Variants in GLB1 observed in about 807,000 individuals in gnomAD.
GLB1 encodes the protein beta-galactosidase.
GLB1 carries 56 observed loss-of-function variants against 74.0 expected under a neutral mutation model. The observed-to-expected ratio is 0.76, with a 90% CI of 0.61 to 0.94. GLB1 has a LOEUF of 0.94. GLB1 is among the 40% of genes least tolerant of loss of function. GLB1 has a pLI of 0.00. For missense variants in GLB1, 787 were observed against 845.5 expected (o/e 0.93, Z 0.86); for synonymous variants, 323 against 323.6 (o/e 1.00, Z 0.02).
chr3:33,011,652 A>AG (rs1468166875), intron 15 of GLB1, among the ~76,000 whole-genome samples: 1 of 150,494 alleles, frequency 6.6e-6, no homozygotes, highest in African/African-American at 2.4e-5. Context: ...AAAAAAAAAA[A>AG]AAAAGAAAAT....
At chr3:33,096,398 T>TGGG in intron 1 of GLB1, 1 of 953,086 alleles carries the variant, frequency 1.0e-6, no homozygotes, top group Non-Finnish European at 1.2e-6. Flanking sequence ...GCCTGCCTAT[T>TGGG]CCCCCCCTCA....
chr3:32,991,893 G>C (rs760406404), downstream of GLB1, among the ~76,000 whole-genome samples: 2 of 152,228 alleles, frequency 1.3e-5, no homozygotes, highest in East Asian at 3.8e-4. Context: ...AGAATCGTGT[G>C]CATAACAAAA....
intron 1 of GLB1, among the ~76,000 whole-genome samples, chr3:33,080,485 A>C (rs776169398): frequency 6.6e-6 from 1 of 152,168 alleles, no homozygotes; most frequent in Non-Finnish European, 1.5e-5. Context: ...CTCAGATCTC[A>C]TGTCTTTTTG....
the GLB1 span, among the ~76,000 whole-genome samples, chr3:32,981,962 C>G: frequency 6.6e-6 from 1 of 152,122 alleles, no homozygotes; most frequent in Non-Finnish European, 1.5e-5. Context: ...CAATCTTGGT[C>G]TTTTAACTGT....
At chr3:33,077,161 G>A in intron 1 of GLB1, 1 of 1,455,402 alleles carries the variant, frequency 6.9e-7, no homozygotes, top group South Asian at 1.2e-5. Context: ...TGCAGTCTTG[G>A]TACCTCTTTT....
chr3:33,011,653 A>G (rs79222410), intron 15 of GLB1, among the ~76,000 whole-genome samples: 17 of 149,568 alleles, frequency 1.1e-4, no homozygotes, highest in Non-Finnish European at 1.5e-4. Flanking sequence ...AAAAAAAAAA[A>G]AAAGAAAATA....
At chr3:33,062,475 C>G (rs534036662) in intron 5 of GLB1, among the ~76,000 whole-genome samples, 2 of 152,186 alleles carry the variant, frequency 1.3e-5, no homozygotes, top group Admixed American at 6.5e-5. Context: ...GGCCCTTTTA[C>G]AGAAATCTTC....
At chr3:33,010,115 C>G (rs1261758898) in intron 15 of GLB1, among the ~76,000 whole-genome samples, 2 of 152,108 alleles carry the variant, frequency 1.3e-5, no homozygotes, top group African/African-American at 4.8e-5. Context: ...TACCTAGGAG[C>G]GGAATTGCTG....
intron 1 of GLB1, chr3:33,091,416 A>AG: frequency 1.0e-6 from 1 of 985,516 alleles, no homozygotes; most frequent in Non-Finnish European, 1.2e-6. Flanking sequence ...CTGCTTTGAC[A>AG]CATCACCTGC....
At chr3:33,083,397 C>CAAAAAAA (rs60737086) in intron 1 of GLB1, among the ~76,000 whole-genome samples, 21 of 104,214 alleles carry the variant, frequency 2.0e-4, no homozygotes, top group South Asian at 6.4e-4. Flanking sequence ...AACTCTGTCT[C>CAAAAAAA]AAAAAAAAAA....
chr3:33,032,310 A>G (rs1698086020), intron 10 of GLB1, among the ~76,000 whole-genome samples: 1 of 152,112 alleles, frequency 6.6e-6, no homozygotes, highest in Non-Finnish European at 1.5e-5. Flanking sequence ...GGAGTGTCTT[A>G]CTATTAAGTG....
In GLB1 at chr3:33,023,434, C is replaced by G. The variant is rs888356308; in HGVS notation, c.1143+817G>C. 2.6e-5 allele frequency among the ~76,000 whole-genome samples: 4 copies of G among 152,286 alleles called. No individual in the cohort carries two copies. In the South Asian group the frequency reaches 8.3e-4, roughly 32 times the overall value. ...AAAATGTTATAAGAACTCAACCAAC[C>G]AACCATGTCAAAGGGCTTCTTGGAT... is the stretch of plus-strand genomic sequence containing the variant. On this transcript the variant is annotated intron_variant, in intron 11 of 15. Transcript: ENST00000307363.
intron 10 of GLB1, among the ~76,000 whole-genome samples, chr3:33,031,674 T>A (rs1302695612): frequency 1.5e-4 from 17 of 113,086 alleles, no homozygotes; most frequent in East Asian, 1.1e-3. Context: ...TATATATATA[T>A]AATCTCCACT....
In GLB1 at chr3:33,016,044, C is replaced by G. The variant is rs1697225183; in HGVS notation, c.1479+665G>C. Among the ~76,000 whole-genome samples the G allele has an allele frequency of 2.0e-5, 3 of 152,154 alleles. No individual in the cohort carries two copies. In the South Asian group the frequency reaches 6.2e-4, roughly 31 times the overall value. On this transcript the variant is annotated intron_variant, in intron 14 of 15. Coordinates refer to ENST00000307363, the MANE Select transcript of GLB1 (RefSeq NM_000404.4). ...AACTTATTTGGGCTACACATCTGGACACAGGAGTAATCAACAGAGGTGAGA... is the reference window on the plus strand; with the variant it reads ...AACTTATTTGGGCTACACATCTGGAGACAGGAGTAATCAACAGAGGTGAGA...
chr3:33,077,425 T>C, intron 1 of GLB1: 1 of 921,906 alleles, frequency 1.1e-6, no homozygotes, highest in East Asian at 2.9e-5. Context: ...ACACACCTGC[T>C]CAGTTGGAAA....
downstream of GLB1, among the ~76,000 whole-genome samples, chr3:32,994,835 C>T (rs1007992905): frequency 3.3e-5 from 5 of 151,182 alleles, no homozygotes; most frequent in Admixed American, 3.3e-4. Flanking sequence ...GCAGGAGAAT[C>T]GCTTGAACCC....
chr3:33,048,566 G>A (rs1266972051), intron 9 of GLB1, among the ~76,000 whole-genome samples: 1 of 152,204 alleles, frequency 6.6e-6, no homozygotes, highest in Non-Finnish European at 1.5e-5. Flanking sequence ...GGGATGGGCA[G>A]TGAACTCCCC....
chr3:33,065,379 T>C, intron 5 of GLB1, 84 bp downstream of exon 5: 1 of 1,497,056 alleles, frequency 6.7e-7, no homozygotes, highest in Non-Finnish European at 9.1e-7. Flanking sequence ...ATGAGGCTCA[T>C]GTCTGCATCA....
intron 10 of GLB1, among the ~76,000 whole-genome samples, chr3:33,031,244 A>G (rs1156578339): frequency 6.6e-6 from 1 of 152,186 alleles, no homozygotes; most frequent in Non-Finnish European, 1.5e-5. Context: ...AGGTAGAGCT[A>G]TATACAGGGG....
Sources: allele counts gnomAD v4.1 joint callset (sites outside exome capture counted in the v4.1 genomes callset), GRCh38; gene constraint gnomAD v4.1.1; transcripts MANE v1.5; gene names NCBI Gene and HGNC (gene_info 2026-07-23, HGNC 2026-07-21).